Variants in NR3C2 observed in about 807,000 individuals in gnomAD.
NR3C2 encodes the protein nuclear receptor subfamily 3 group C member 2.
In NR3C2, 15 loss-of-function variants were observed where a neutral mutation model predicts 86.4. That is an observed-to-expected ratio of 0.17 (90% CI 0.12 to 0.27). The LOEUF (loss-of-function observed/expected upper bound fraction) is 0.27. Among genes scored for constraint, NR3C2 ranks in the 10% least tolerant of loss-of-function variants. NR3C2 has a pLI of 1.00. For synonymous variants in NR3C2, 458 were observed against 450.5 expected, an observed-to-expected ratio of 1.02 and a Z score of -0.21; for missense variants, 960 against 1,195.6, an observed-to-expected ratio of 0.80 and a Z score of 2.91.
At chr4:148,319,540 T>C (rs1387708063) in intron 2 of NR3C2, among the ~76,000 whole-genome samples, 9 of 149,548 alleles carry the variant, frequency 6.0e-5, no homozygotes, top group Non-Finnish European at 1.2e-4. Flanking sequence ...GTTTGTATCC[T>C]CTTTTATTTC....
At chr4:148,344,664 TG>T (rs1396412951) in intron 2 of NR3C2, among the ~76,000 whole-genome samples, 3 of 152,148 alleles carry the variant, frequency 2.0e-5, no homozygotes, top group African/African-American at 4.8e-5. Flanking sequence ...ATTATTAGTG[TG>T]AGGTCAACAT....
intron 2 of NR3C2, among the ~76,000 whole-genome samples, chr4:148,341,740 CAATA>C (rs943648615): frequency 1.3e-5 from 2 of 151,844 alleles, no homozygotes; most frequent in African/African-American, 4.8e-5. Context: ...TCTTATGCAT[CAATA>C]AAAAAAATAA....
chr4:148,344,863 T>A (rs1252468729), intron 2 of NR3C2, among the ~76,000 whole-genome samples: 1 of 152,166 alleles, frequency 6.6e-6, no homozygotes, highest in East Asian at 1.9e-4. Context: ...TCCTGTTCCT[T>A]TAAACATTAT....
intron 4 of NR3C2, among the ~76,000 whole-genome samples, chr4:148,169,910 G>T (rs1735047522): frequency 6.6e-6 from 1 of 152,152 alleles, no homozygotes; most frequent in Non-Finnish European, 1.5e-5. Context: ...TTAGAATTGA[G>T]AACTATCAAC....
At chr4:148,343,781 A>C (rs185098029) in intron 2 of NR3C2, among the ~76,000 whole-genome samples, 25 of 152,238 alleles carry the variant, frequency 1.6e-4, no homozygotes, top group African/African-American at 6.0e-4. Flanking sequence ...ACTCGAAAAA[A>C]ATTGCAAAGG....
intron 4 of NR3C2, among the ~76,000 whole-genome samples, chr4:148,189,671 A>G (rs1339161707): frequency 6.6e-6 from 1 of 151,978 alleles, no homozygotes; most frequent in Non-Finnish European, 1.5e-5. Context: ...TTTGTTGACA[A>G]TTTTTTAGTT....
intron 2 of NR3C2, among the ~76,000 whole-genome samples, chr4:148,430,988 A>C (rs1398143116): frequency 1.3e-5 from 2 of 152,176 alleles, no homozygotes; most frequent in Non-Finnish European, 2.9e-5. Context: ...TTGAAATAGT[A>C]AACTTTACAT....
At chr4:148,221,773 A>G (rs551127614) in intron 3 of NR3C2, among the ~76,000 whole-genome samples, 1 of 152,014 alleles carries the variant, frequency 6.6e-6, no homozygotes, top group Non-Finnish European at 1.5e-5. Flanking sequence ...AGGTGCCTGT[A>G]ATCTCAGCTA....
rs369387434 is a variant in NR3C2 at position 148,329,561 on chromosome 4, T to A, written c.1758-69444A>T. 6.6e-5 allele frequency among the ~76,000 whole-genome samples: 10 copies of A among 152,314 alleles called. No homozygotes were observed. In the East Asian group the frequency reaches 1.5e-3, roughly 23 times the overall value. ...TACATATTTTTCATTACAAGAGTTA[T>A]TTGTTAAATGGTAATGCTTTTAAGT... On this transcript the variant is annotated intron_variant, in intron 2 of 8. Transcript: ENST00000358102.
intron 4 of NR3C2, among the ~76,000 whole-genome samples, chr4:148,182,575 C>T (rs1299471729): frequency 6.6e-6 from 1 of 152,224 alleles, no homozygotes; most frequent in Non-Finnish European, 1.5e-5. Flanking sequence ...AAAACCTATC[C>T]TGTATAGGCA....
chr4:148,183,598 C>T (rs1053523478), intron 4 of NR3C2, among the ~76,000 whole-genome samples: 3 of 152,144 alleles, frequency 2.0e-5, no homozygotes, highest in Admixed American at 6.6e-5. Context: ...ACCTCCATGC[C>T]TCCATTAACT....
intron 2 of NR3C2, among the ~76,000 whole-genome samples, chr4:148,267,292 T>A (rs1401409806): frequency 1.4e-5 from 2 of 143,560 alleles, no homozygotes; most frequent in African/African-American, 2.6e-5. Flanking sequence ...TTTAATTTTT[T>A]TTTTTTTTAA....
At chr4:148,087,269 A>G (rs2149706889) in intron 8 of NR3C2, among the ~76,000 whole-genome samples, 1 of 152,230 alleles carries the variant, frequency 6.6e-6, no homozygotes, top group East Asian at 1.9e-4. Context: ...GTGGAAAAGC[A>G]TTCCATGCTC....
intron 3 of NR3C2, among the ~76,000 whole-genome samples, chr4:148,250,766 C>T (rs1739534649): frequency 6.6e-6 from 1 of 152,158 alleles, no homozygotes; most frequent in South Asian, 2.1e-4. Context: ...TAGTTCTAAA[C>T]CCCACTCATC....
intron 4 of NR3C2, among the ~76,000 whole-genome samples, chr4:148,185,877 C>T (rs1344686514): frequency 6.6e-6 from 1 of 152,064 alleles, no homozygotes; most frequent in African/African-American, 2.4e-5. Context: ...CCATCCTCAA[C>T]AGATGAATAT....
chr4:148,369,607 T>C (rs1746315157), intron 2 of NR3C2, among the ~76,000 whole-genome samples: 1 of 152,226 alleles, frequency 6.6e-6, no homozygotes, highest in South Asian at 2.1e-4. Flanking sequence ...ATCACTATGC[T>C]GTTTCTCTTA....
chr4:148,404,282 AT>A (rs973957761), intron 2 of NR3C2, among the ~76,000 whole-genome samples: 3 of 152,130 alleles, frequency 2.0e-5, no homozygotes, highest in Non-Finnish European at 4.4e-5. Context: ...ATTAGATAAT[AT>A]TTTTTGTTAG....
intron 2 of NR3C2, among the ~76,000 whole-genome samples, chr4:148,371,038 A>G (rs1163998822): frequency 6.6e-6 from 1 of 152,106 alleles, no homozygotes; most frequent in African/African-American, 2.4e-5. Context: ...GGCTCCCTGT[A>G]TTTAATTTTT....
chr4:148,260,200 A>G lies in NR3C2; in HGVS notation c.1758-83T>C, dbSNP rs948169536. ...GCACAGCTTAGCTCAAAATTTGTCA[A>G]TAATCATGGTTCGATACAAGAATTC... On this transcript the variant is annotated intron_variant, in intron 2 of 8. Transcript: ENST00000358102. The G allele has an allele frequency of 1.9e-6, 3 of 1,558,326 alleles. 1 individual carries two copies. In the South Asian group the frequency reaches 3.4e-5, roughly 18 times the overall value.
Sources: allele counts gnomAD v4.1 joint callset (sites outside exome capture counted in the v4.1 genomes callset), GRCh38; gene constraint gnomAD v4.1.1; transcripts MANE v1.5; gene names NCBI Gene and HGNC (gene_info 2026-07-23, HGNC 2026-07-21).